KCNMA1: variants seen among roughly 807,000 people sequenced by gnomAD.
The protein encoded by KCNMA1 is potassium calcium-activated channel subfamily M alpha 1.
A neutral mutation model predicts 140.0 loss-of-function variants in KCNMA1; 29 were observed. The ratio of observed to expected loss-of-function variants is 0.21; its 90% CI spans 0.15 to 0.28. The LOEUF (loss-of-function observed/expected upper bound fraction) is 0.28. KCNMA1 is among the 10% of genes least tolerant of loss of function. KCNMA1 has a pLI of 1.00. For missense variants in KCNMA1, 880 were observed against 1,602.2 expected, an observed-to-expected ratio of 0.55 and a Z score of 7.70; for synonymous variants, 612 against 611.9, an observed-to-expected ratio of 1.00 and a Z score of 0.00.
intron 20 of KCNMA1, among the ~76,000 whole-genome samples, chr10:76,966,606 G>T (rs991957544): frequency 3.9e-5 from 6 of 152,148 alleles, no homozygotes; most frequent in African/African-American, 1.4e-4. Context: ...GAAAGACGTG[G>T]CTATCCTTAC....
intron 9 of KCNMA1, among the ~76,000 whole-genome samples, chr10:77,094,702 A>G (rs2096888209): frequency 6.6e-6 from 1 of 152,074 alleles, no homozygotes; most frequent in African/African-American, 2.4e-5. Context: ...TTTATATTAT[A>G]TTTTATTTAT....
intron 3 of KCNMA1, among the ~76,000 whole-genome samples, chr10:77,228,125 T>C (rs559360): frequency 0.66 from 100,490 of 151,510 alleles, 33,962 homozygotes; most frequent in Admixed American, 0.75. Context: ...CCACCACGCC[T>C]GGCTAATTTT....
intron 1 of KCNMA1, among the ~76,000 whole-genome samples, chr10:77,416,994 C>A (rs2096756245): frequency 1.3e-5 from 2 of 152,182 alleles, no homozygotes; most frequent in South Asian, 4.1e-4. Context: ...GCCCTCCCCA[C>A]TCGTCACTGA....
chr10:77,361,682 T>C lies in KCNMA1; in HGVS notation c.540+42180A>G, dbSNP rs574420531. On this transcript the variant is annotated intron_variant, in intron 2 of 27. Transcript: ENST00000286628. ...AGGAGCAAGAGGGGATCCATAGGTCTGCTGGTCCAGGTCACTGCTCTCTCC... is the reference window on the plus strand; with the variant it reads ...AGGAGCAAGAGGGGATCCATAGGTCCGCTGGTCCAGGTCACTGCTCTCTCC... Among the ~76,000 whole-genome samples, 9 of 152,370 alleles carry C rather than the reference T, an allele frequency of 5.9e-5. No homozygotes were observed. The East Asian group carries it at 1.7e-3, about 29-fold the overall frequency.
intron 1 of KCNMA1, among the ~76,000 whole-genome samples, chr10:77,487,333 C>T (rs573500041): frequency 6.6e-6 from 1 of 152,278 alleles, no homozygotes; most frequent in Admixed American, 6.5e-5. Context: ...CAGCCTCTCC[C>T]CTTAGAAATC....
chr10:76,895,273 C>T (rs1038846954), intron 25 of KCNMA1, among the ~76,000 whole-genome samples: 1 of 152,150 alleles, frequency 6.6e-6, no homozygotes, highest in Non-Finnish European at 1.5e-5. Context: ...AGGAGTCTTG[C>T]CAATGCCGCT....
chr10:76,875,731 C>T (rs1467977654), downstream of KCNMA1: 1 of 151,966 alleles, frequency 6.6e-6, no homozygotes. Flanking sequence ...AAGGTGACCC[C>T]AATGCAAAAT....
At chr10:77,384,359 G>A (rs781225048) in intron 2 of KCNMA1, among the ~76,000 whole-genome samples, 3 of 152,178 alleles carry the variant, frequency 2.0e-5, no homozygotes, top group East Asian at 1.9e-4. Context: ...GAGGCAAGCC[G>A]TGGTTGCCAT....
At chr10:77,012,938 C>T (rs1466332286) in intron 17 of KCNMA1, among the ~76,000 whole-genome samples, 2 of 152,188 alleles carry the variant, frequency 1.3e-5, no homozygotes, top group Non-Finnish European at 2.9e-5. Context: ...TAGAACAGCA[C>T]AAGAGGCCTG....
chr10:77,496,898 T>C (rs1477331715), intron 1 of KCNMA1, among the ~76,000 whole-genome samples: 1 of 152,148 alleles, frequency 6.6e-6, no homozygotes, highest in Non-Finnish European at 1.5e-5. Flanking sequence ...GCTCTGCTCA[T>C]TGTCTTCCCA....
At chr10:76,904,290 A>G (rs1212409116) in intron 25 of KCNMA1, 1 of 152,190 alleles carries the variant, frequency 6.6e-6, no homozygotes, top group African/African-American at 2.4e-5. Context: ...GAAAATATGA[A>G]TGCACTGGAC....
chr10:77,445,278 C>T (rs529932289), intron 1 of KCNMA1, among the ~76,000 whole-genome samples: 2 of 152,170 alleles, frequency 1.3e-5, no homozygotes, highest in South Asian at 2.1e-4. Flanking sequence ...AGCTGAGCCA[C>T]GCTGGGGATT....
At chr10:77,270,231 C>A (rs923164309) in intron 2 of KCNMA1, among the ~76,000 whole-genome samples, 11 of 152,204 alleles carry the variant, frequency 7.2e-5, no homozygotes, top group African/African-American at 2.7e-4. Context: ...CTAACTCCAA[C>A]TAAATCCACA....
chr10:77,084,257 G>A (rs778278658), intron 12 of KCNMA1, among the ~76,000 whole-genome samples: 59 of 152,146 alleles, frequency 3.9e-4, no homozygotes, highest in Non-Finnish European at 8.1e-4. Flanking sequence ...ATTGCAAAAT[G>A]TCCCCTGGGG....
intron 1 of KCNMA1, among the ~76,000 whole-genome samples, chr10:77,488,603 G>C (rs2098490378): frequency 6.6e-6 from 1 of 152,148 alleles, no homozygotes; most frequent in Admixed American, 6.5e-5. Context: ...AGCTCTGTGG[G>C]TGCACAGCCC....
At chr10:77,244,010 T>C (rs1226806895) in intron 3 of KCNMA1, among the ~76,000 whole-genome samples, 1 of 152,176 alleles carries the variant, frequency 6.6e-6, no homozygotes, top group African/African-American at 2.4e-5. Flanking sequence ...GCCCTAAAGT[T>C]TCCCCCATGA....
intron 1 of KCNMA1, among the ~76,000 whole-genome samples, chr10:77,491,653 C>T (rs568013695): frequency 6.6e-6 from 1 of 151,486 alleles, no homozygotes; most frequent in South Asian, 2.1e-4. Flanking sequence ...CAGAAGGGAC[C>T]ACAGAACAAA....
rs139390867 is a variant in KCNMA1 at position 76,908,846 on chromosome 10, G to C, written c.3147+1120C>G. ...GAAGATTTTCTACATAATAAATAAAGATGCTCAGTGGGAAGACTTCATAAT... is the reference window on the plus strand; with the variant it reads ...GAAGATTTTCTACATAATAAATAAACATGCTCAGTGGGAAGACTTCATAAT... On this transcript the variant is annotated intron_variant, in intron 25 of 27. Coordinates refer to ENST00000286628, the MANE Select transcript of KCNMA1 (RefSeq NM_001161352.2). Among the ~76,000 whole-genome samples, 677 of 152,330 alleles carry C rather than the reference G, an allele frequency of 4.4e-3. 4 individuals carry two copies. The highest frequency in any genetic ancestry group is 0.015 in the African/African-American group (639 of 41,586).
intron 1 of KCNMA1, among the ~76,000 whole-genome samples, chr10:77,584,546 G>A (rs933747749): frequency 6.6e-6 from 1 of 152,012 alleles, no homozygotes; most frequent in Non-Finnish European, 1.5e-5. Flanking sequence ...GTAGAGACAG[G>A]GAGGGTTTCA....
Sources: allele counts gnomAD v4.1 joint callset (sites outside exome capture counted in the v4.1 genomes callset), GRCh38; gene constraint gnomAD v4.1.1; transcripts MANE v1.5; gene names NCBI Gene and HGNC (gene_info 2026-07-23, HGNC 2026-07-21).